Variants in FER1L6 observed in about 807,000 individuals in gnomAD.
FER1L6 encodes the protein fer-1-like protein 6.
Under a neutral mutation model 219.2 loss-of-function variants are expected in FER1L6, and 177 were observed. The ratio of observed to expected loss-of-function variants is 0.81; its 90% CI spans 0.71 to 0.91. The LOEUF is 0.91. FER1L6 is among the 40% of genes least tolerant of loss of function. The probability of loss-of-function intolerance (pLI) is 0.00; values close to 1 mark genes in which losing one functional copy is unlikely to be tolerated. For synonymous variants in FER1L6, 768 were observed against 824.3 expected (o/e 0.93, Z 1.17); for missense variants, 2,153 against 2,259.9 (o/e 0.95, Z 0.96).
At chr8:123,989,227 G>T (rs10088862) in intron 12 of FER1L6, among the ~76,000 whole-genome samples, 8,088 of 152,050 alleles carry the variant, frequency 0.053, 521 homozygotes, top group African/African-American at 0.15. Flanking sequence ...GGTTTGCTAG[G>T]ATTTTGTTGA....
chr8:124,005,039 T>C (rs1270587640), intron 13 of FER1L6, among the ~76,000 whole-genome samples: 3 of 152,078 alleles, frequency 2.0e-5, no homozygotes, highest in Non-Finnish European at 2.9e-5. Context: ...TTTTCCTTCC[T>C]ACCTGCATCT....
chr8:124,028,387 C>T (rs1184858581), intron 18 of FER1L6, among the ~76,000 whole-genome samples: 1 of 152,128 alleles, frequency 6.6e-6, no homozygotes, highest in East Asian at 1.9e-4. Context: ...GACTTTAAGT[C>T]CCCTCTCACC....
chr8:123,945,861 G>T (rs1814463045), intron 1 of FER1L6, among the ~76,000 whole-genome samples: 1 of 152,164 alleles, frequency 6.6e-6, no homozygotes, highest in Non-Finnish European at 1.5e-5. Context: ...AACTGCTTTT[G>T]CTTTTAACAG....
At chr8:124,081,483 A>T (rs1055698067) in intron 32 of FER1L6, among the ~76,000 whole-genome samples, 1 of 151,972 alleles carries the variant, frequency 6.6e-6, no homozygotes, top group Non-Finnish European at 1.5e-5. Context: ...TCTAGATTTC[A>T]ATTTATCTAT....
intron 22 of FER1L6, among the ~76,000 whole-genome samples, chr8:124,056,639 G>A (rs996542261): frequency 5.3e-5 from 8 of 152,160 alleles, no homozygotes; most frequent in African/African-American, 1.7e-4. Flanking sequence ...TAAAGGTAAA[G>A]TGTCATTAAC....
In FER1L6 at chr8:123,975,928, G is replaced by A. The variant is rs1203152864; in HGVS notation, c.714G>A (p.Leu238=). The change falls in exon 9 of 41, where the codon CTG becomes CTA. Residue 238 remains leucine (L), a synonymous_variant. Coordinates refer to ENST00000522917, the MANE Select transcript of FER1L6 (RefSeq NM_001039112.2). Reference sequence around the variant, plus strand: ...TTTTGATCCCCAATGGGTTTCCACTGGAGAGACCGTGGGCCAGATTCTATG... The same window carrying A: ...TTTTGATCCCCAATGGGTTTCCACTAGAGAGACCGTGGGCCAGATTCTATG... The part of the protein sequence containing the change: ...KNLLIPNGFP[L]ERPWARFYVR... 4.3e-6 allele frequency: 7 copies of A among 1,612,468 alleles called. No homozygotes were observed. The highest frequency in any genetic ancestry group is 5.9e-6 in the Non-Finnish European group (7 of 1,179,316).
chr8:124,065,344 T>C (rs1184825937), intron 26 of FER1L6, among the ~76,000 whole-genome samples: 2 of 138,442 alleles, frequency 1.4e-5, no homozygotes, highest in African/African-American at 5.6e-5. Flanking sequence ...GAGGCTGCAG[T>C]GAGCCGAGAT....
intron 11 of FER1L6, chr8:123,984,182 A>G (rs1816451029): frequency 6.6e-6 from 1 of 152,178 alleles, no homozygotes; most frequent in South Asian, 2.1e-4. Flanking sequence ...GACATGAATG[A>G]TATCATTTCT....
intron 1 of FER1L6, among the ~76,000 whole-genome samples, chr8:123,896,205 G>A (rs1812739644): frequency 6.6e-6 from 1 of 152,140 alleles, no homozygotes; most frequent in Admixed American, 6.6e-5. Context: ...GGTTACACAG[G>A]GAAATGCACT....
At chr8:124,083,827 T>G (rs1320828086) in intron 33 of FER1L6, among the ~76,000 whole-genome samples, 1 of 152,178 alleles carries the variant, frequency 6.6e-6, no homozygotes, top group Non-Finnish European at 1.5e-5. Context: ...GGTATTTTGA[T>G]AGAGATTTCA....
chr8:123,987,936 A>G (rs1816673280), intron 12 of FER1L6, among the ~76,000 whole-genome samples: 1 of 152,112 alleles, frequency 6.6e-6, no homozygotes, highest in African/African-American at 2.4e-5. Flanking sequence ...CATCTCTAGT[A>G]AAAATACAAA....
At chr8:123,920,457 C>G (rs938824835) in intron 1 of FER1L6, among the ~76,000 whole-genome samples, 1 of 152,136 alleles carries the variant, frequency 6.6e-6, no homozygotes, top group African/African-American at 2.4e-5. Context: ...GATGAAGAAC[C>G]GCGATTAGAC....
At position 124,052,763 on chromosome 8, in the gene FER1L6, C is replaced by T. The variant is rs144794173; in HGVS notation, c.2874+3007C>T. 1.1e-3 allele frequency among the ~76,000 whole-genome samples: 163 copies of T among 152,088 alleles called. 1 individual carries two copies. The highest frequency in any genetic ancestry group is 1.7e-3 in the Non-Finnish European group (116 of 67,964). The stretch of plus-strand genomic sequence containing the variant: ...TCGTGTCACTGCACTCCAGCCTGGG[C>T]GACAGAGCAAGACTCTGTCTCAAAA... On this transcript the variant is annotated intron_variant, in intron 22 of 40. Coordinates refer to ENST00000522917, the MANE Select transcript of FER1L6 (RefSeq NM_001039112.2).
Position 124,082,458 on chromosome 8 carries a change from T to C in FER1L6, c.4391T>C (p.Ile1464Thr). 6.2e-7 allele frequency: 1 copy of C among 1,613,250 alleles called. No homozygotes were observed. The highest frequency in any genetic ancestry group is 8.5e-7 in the Non-Finnish European group (1 of 1,179,616). ...AICGLQSQYE[I>T]EGYNAWRDTS... ...TGTGGCTTGCAGAGCCAGTATGAGA[T>C]GTAAGTTCTTTCTCCCCGGGAGACA... is the stretch of plus-strand genomic sequence containing the variant. The change falls in exon 33 of 41, where the codon ATA (isoleucine) becomes ACA (threonine). Residue 1464 changes from isoleucine (I) to threonine (T), a missense_variant and splice_region_variant. Physicochemically the swap from Ile to Thr is moderately conservative, Grantham distance 89 (BLOSUM62 -1). Coordinates refer to ENST00000522917, the MANE Select transcript of FER1L6 (RefSeq NM_001039112.2).
At position 124,010,606 on chromosome 8, in the gene FER1L6, T is replaced by G; in HGVS notation, c.1713T>G (p.Tyr571Ter). Residue 571 changes from tyrosine (Y) to a stop codon, truncating the protein, a stop_gained, in exon 14 of 41, where the codon TAT becomes TAG. Transcript: ENST00000522917. LOFTEE classifies it high-confidence loss of function. ...ATTGTTTTCACAGGAATTACAACTA[T>G]TTGCCATTTGAGGCTAAGAAGCCCT... ...LVTEGNRNYN[Y>*]LPFEAKKPCV... 6.2e-7 allele frequency: 1 copy of G among 1,613,988 alleles called. No individual in the cohort carries two copies.
chr8:123,896,813 G>A (rs777966174), intron 1 of FER1L6, among the ~76,000 whole-genome samples: 58 of 152,246 alleles, frequency 3.8e-4, no homozygotes, highest in Non-Finnish European at 5.6e-4. Context: ...ACAAACTCAT[G>A]TCTCTAATCT....
intron 12 of FER1L6, among the ~76,000 whole-genome samples, chr8:123,992,059 ATG>A (rs879913273): frequency 0.054 from 8,180 of 152,204 alleles, 527 homozygotes; most frequent in African/African-American, 0.16. Context: ...GCACTTGATC[ATG>A]GTGTATTTTC....
At chr8:124,047,763 T>A (rs946316588) in intron 21 of FER1L6, 1 of 152,190 alleles carries the variant, frequency 6.6e-6, no homozygotes, top group African/African-American at 2.4e-5. Flanking sequence ...GGGAAATACA[T>A]GTAGACATGC....
rs762336156 is a variant in FER1L6 at position 123,963,332 on chromosome 8, C to A, written c.131C>A (p.Pro44Gln). 7 of 1,613,998 alleles carry A rather than the reference C, an allele frequency of 4.3e-6. No homozygotes were observed. Among genetic ancestry groups the A allele is most frequent in the Non-Finnish European group, 5.9e-6 (7 of 1,179,964 alleles). The stretch of plus-strand genomic sequence containing the variant: ...GAGGAGCCTTCTCACCAGGAAGGAC[C>A]GAGAGGAGATTTGGTCCATGATGAT... ...LQEEPSHQEG[P>Q]RGDLVHDDAS... The change falls in exon 3 of 41, where the codon CCG (proline) becomes CAG (glutamine). Residue 44 changes from proline (P) to glutamine (Q), a missense_variant. Pro to Gln is a moderately conservative substitution (Grantham distance 76). Transcript: ENST00000522917.
Sources: allele counts gnomAD v4.1 joint callset (sites outside exome capture counted in the v4.1 genomes callset), GRCh38; gene constraint gnomAD v4.1.1; transcripts MANE v1.5; gene names NCBI Gene and HGNC (gene_info 2026-07-23, HGNC 2026-07-21).